DOCK2: variants seen among roughly 807,000 people sequenced by gnomAD.
DOCK2 encodes the protein dedicator of cytokinesis 2.
Under a neutral mutation model 248.9 loss-of-function variants are expected in DOCK2, and 87 were observed. The observed-to-expected ratio is 0.35, with a 90% CI of 0.29 to 0.42. DOCK2 has a LOEUF of 0.42. Ranked by LOEUF, DOCK2 falls within the 10% of genes least tolerant of loss-of-function variation. The probability of loss-of-function intolerance (pLI) is 1.00; values close to 1 mark genes in which losing one functional copy is unlikely to be tolerated. For missense variants in DOCK2, 1,747 were observed against 2,300.2 expected (o/e 0.76, Z 4.92); for synonymous variants, 805 against 821.6 (o/e 0.98, Z 0.35).
At chr5:169,804,249 A>G (rs1767169236) in intron 26 of DOCK2, among the ~76,000 whole-genome samples, 1 of 152,106 alleles carries the variant, frequency 6.6e-6, no homozygotes, top group Non-Finnish European at 1.5e-5. Context: ...TCCTTTCTAC[A>G]CTTACCATCC....
chr5:169,928,256 T>C (rs1485282761), intron 27 of DOCK2, among the ~76,000 whole-genome samples: 1 of 152,094 alleles, frequency 6.6e-6, no homozygotes, highest in Non-Finnish European at 1.5e-5. Flanking sequence ...CTGCCACAGG[T>C]CTTACACCAG....
At chr5:169,765,106 CA>C (rs1243401471) in intron 25 of DOCK2, among the ~76,000 whole-genome samples, 4 of 114,728 alleles carry the variant, frequency 3.5e-5, no homozygotes, top group Non-Finnish European at 5.6e-5. Context: ...ACACACACCC[CA>C]CACACAGTTT....
intron 26 of DOCK2, among the ~76,000 whole-genome samples, chr5:169,818,644 C>T (rs2113222030): frequency 6.6e-6 from 1 of 152,288 alleles, no homozygotes; most frequent in South Asian, 2.1e-4. Flanking sequence ...TTTTAGCCTT[C>T]TCTGGTGGTG....
chr5:170,064,077 G>T (rs1019419730), intron 44 of DOCK2, among the ~76,000 whole-genome samples: 2 of 152,136 alleles, frequency 1.3e-5, no homozygotes, highest in Non-Finnish European at 2.9e-5. Flanking sequence ...AACAGAGACA[G>T]CAGTCTGGAC....
At position 169,836,582 on chromosome 5, in the gene DOCK2, T is replaced by G. The variant is rs368672667; in HGVS notation, c.2704-4175T>G. ...TAAAAATGTCATGCCATCCTCATTTTGCTTTATTTCCAAGTTTTGGAGCTT... is the reference window on the plus strand; with the variant it reads ...TAAAAATGTCATGCCATCCTCATTTGGCTTTATTTCCAAGTTTTGGAGCTT... On this transcript the variant is annotated intron_variant, in intron 26 of 51. Coordinates refer to ENST00000520908, the MANE Select transcript of DOCK2 (RefSeq NM_004946.3). Among the ~76,000 whole-genome samples the G allele has an allele frequency of 2.6e-5, 4 of 152,382 alleles. No homozygotes were observed. The East Asian group carries it at 7.7e-4, about 29-fold the overall frequency.
chr5:169,679,564 A>C (rs1429434147), intron 6 of DOCK2, among the ~76,000 whole-genome samples: 5 of 152,184 alleles, frequency 3.3e-5, no homozygotes, highest in Non-Finnish European at 7.3e-5. Flanking sequence ...TTAGAACCGA[A>C]TCCACTTTGA....
chr5:170,046,908 C>T (rs532730233), intron 39 of DOCK2, among the ~76,000 whole-genome samples: 4 of 152,276 alleles, frequency 2.6e-5, no homozygotes, highest in East Asian at 3.9e-4. Context: ...AAGATGCCAT[C>T]GATCATACAC....
At chr5:169,710,130 A>G (rs1761495420) in intron 15 of DOCK2, among the ~76,000 whole-genome samples, 1 of 152,226 alleles carries the variant, frequency 6.6e-6, no homozygotes, top group African/African-American at 2.4e-5. Context: ...GAGTGACAGA[A>G]AAACTTCTTT....
intron 26 of DOCK2, among the ~76,000 whole-genome samples, chr5:169,815,009 C>T (rs1463146745): frequency 6.6e-6 from 1 of 152,176 alleles, no homozygotes; most frequent in African/African-American, 2.4e-5. Context: ...TTTAGCATGC[C>T]ATAACCCAGG....
intron 22 of DOCK2, among the ~76,000 whole-genome samples, chr5:169,741,777 C>A (rs1763317146): frequency 6.6e-6 from 1 of 150,908 alleles, no homozygotes; most frequent in African/African-American, 2.4e-5. Flanking sequence ...TATTTAGCTG[C>A]CACTTATCTC....
chr5:169,884,078 G>C (rs774548953), intron 27 of DOCK2: 31 of 468,548 alleles, frequency 6.6e-5, no homozygotes, highest in African/African-American at 5.8e-4. Flanking sequence ...TAGAGTCTAC[G>C]TAGGAACTAT....
chr5:170,048,359 C>T (rs796464813), intron 40 of DOCK2, among the ~76,000 whole-genome samples: 2 of 152,028 alleles, frequency 1.3e-5, no homozygotes, highest in South Asian at 4.2e-4. Flanking sequence ...CCACTGCACT[C>T]CATCCAGCCT....
chr5:169,652,377 C>T (rs1014162963), intron 1 of DOCK2, among the ~76,000 whole-genome samples: 1 of 152,210 alleles, frequency 6.6e-6, no homozygotes, highest in Admixed American at 6.5e-5. Context: ...GAACTGGCCT[C>T]AAAAGCCACA....
intron 14 of DOCK2, chr5:169,702,761 T>C (rs941394982): frequency 5.8e-6 from 1 of 172,668 alleles, no homozygotes; most frequent in Non-Finnish European, 1.2e-5. Flanking sequence ...GCAGTTAAAA[T>C]GTTCTCACTG....
chr5:169,802,371 A>G (rs1388185431), intron 25 of DOCK2, among the ~76,000 whole-genome samples: 4 of 152,220 alleles, frequency 2.6e-5, no homozygotes, highest in Non-Finnish European at 5.9e-5. Context: ...CACGTTGGCC[A>G]TGCTGGTAAA....
At chr5:169,728,282 G>A (rs1234032692) in intron 22 of DOCK2, among the ~76,000 whole-genome samples, 1 of 152,184 alleles carries the variant, frequency 6.6e-6, no homozygotes, top group Non-Finnish European at 1.5e-5. Context: ...ATAGCAGGCA[G>A]TTAGATACAG....
In DOCK2 at chr5:169,820,590, A is replaced by G. The variant is rs184129257; in HGVS notation, c.2703+17384A>G. Reference sequence around the variant, plus strand: ...GTTAAAAGGAAAACTAACAAACAGAATGGACATCCACATCAAAACCCCATC... The same window carrying G: ...GTTAAAAGGAAAACTAACAAACAGAGTGGACATCCACATCAAAACCCCATC... On this transcript the variant is annotated intron_variant, in intron 26 of 51. Coordinates refer to ENST00000520908, the MANE Select transcript of DOCK2 (RefSeq NM_004946.3). 3.4e-3 allele frequency among the ~76,000 whole-genome samples: 514 copies of G among 152,342 alleles called. 10 individuals carry two copies. The South Asian group carries it at 0.053, about 16-fold the overall frequency.
chr5:169,948,097 C>T lies in DOCK2; in HGVS notation c.2800-34971C>T, dbSNP rs923961859. 7.9e-5 allele frequency among the ~76,000 whole-genome samples: 12 copies of T among 152,068 alleles called. No individual in the cohort carries two copies. In the East Asian group the frequency reaches 1.2e-3, roughly 15 times the overall value. On this transcript the variant is annotated intron_variant, in intron 27 of 51. Transcript: ENST00000520908. ...CCGAGAGAAGAGCCAGGCCACCATT[C>T]GGTACACACCCTCTTCACTTCTAAG...
intron 21 of DOCK2, among the ~76,000 whole-genome samples, chr5:169,718,039 G>T (rs1423491844): frequency 6.7e-6 from 1 of 150,262 alleles, no homozygotes; most frequent in African/African-American, 2.5e-5. Context: ...TCCAGCCTGG[G>T]TGACAGTAAG....
Sources: allele counts gnomAD v4.1 joint callset (sites outside exome capture counted in the v4.1 genomes callset), GRCh38; gene constraint gnomAD v4.1.1; transcripts MANE v1.5; gene names NCBI Gene and HGNC (gene_info 2026-07-23, HGNC 2026-07-21).